ZFHX3: variants seen among roughly 807,000 people sequenced by gnomAD.
ZFHX3 encodes zinc finger homeobox protein 3.
In ZFHX3, 42 loss-of-function variants were observed where a neutral mutation model predicts 279.1. The observed-to-expected ratio is 0.15, with a 90% CI of 0.12 to 0.19. The LOEUF is 0.19. Ranked by LOEUF, ZFHX3 falls within the 10% of genes least tolerant of loss-of-function variation. The pLI, the probability that ZFHX3 is intolerant of heterozygous loss-of-function variation, is 1.00. For synonymous variants in ZFHX3, 2,293 were observed against 1,957.8 expected (o/e 1.17, Z -4.52); for missense variants, 4,981 against 4,754.0 (o/e 1.05, Z -1.40).
chr16:72,959,501 G>A lies in ZFHX3; in HGVS notation c.645C>T (p.Phe215=). ...GCCCCGCCAGGGCTGAGGTATTCGG[G>A]AAAGCCTGGTCTGGGCCCTCAAACC... The part of the protein sequence containing the change: ...GKWFEGPDQA[F]PNTSALAGLS... The change falls in exon 2 of 10, where the codon TTC becomes TTT. Residue 215 remains phenylalanine, a synonymous_variant. Coordinates refer to ENST00000268489, the MANE Select transcript of ZFHX3 (RefSeq NM_006885.4). 6.2e-7 allele frequency: 1 copy of A among 1,614,278 alleles called. No individual in the cohort carries two copies. The highest frequency in any genetic ancestry group is 2.2e-5 in the East Asian group (1 of 44,886).
intron 5 of ZFHX3, among the ~76,000 whole-genome samples, chr16:73,206,588 T>G (rs1381478916): frequency 6.6e-6 from 1 of 152,246 alleles, no homozygotes; most frequent in East Asian, 1.9e-4. Context: ...ATCTGTAGTC[T>G]TCTCCTTTAT....
At chr16:73,679,952 G>A (rs1188411545) in intron 2 of ZFHX3, 1 of 152,182 alleles carries the variant, frequency 6.6e-6, no homozygotes, top group Non-Finnish European at 1.5e-5. Flanking sequence ...GAGGATATCA[G>A]AGCTGTGATG....
chr16:73,798,752 G>C (rs553932724), intron 1 of ZFHX3, among the ~76,000 whole-genome samples: 2 of 152,242 alleles, frequency 1.3e-5, no homozygotes, highest in South Asian at 4.2e-4. Context: ...TGGGGCCAGG[G>C]GTAACCACAG....
intron 3 of ZFHX3, among the ~76,000 whole-genome samples, chr16:72,941,511 G>A (rs936012025): frequency 2.0e-5 from 3 of 152,184 alleles, no homozygotes; most frequent in Non-Finnish European, 2.9e-5. Flanking sequence ...TTTCAGGTAA[G>A]TGTAAGTATA....
intron 2 of ZFHX3, among the ~76,000 whole-genome samples, chr16:73,475,090 G>A (rs142140702): frequency 1.3e-5 from 2 of 152,092 alleles, no homozygotes; most frequent in South Asian, 2.1e-4. Flanking sequence ...CTGACTCTTC[G>A]ATCCATTTCT....
intron 3 of ZFHX3, among the ~76,000 whole-genome samples, chr16:73,444,318 G>A (rs530397685): frequency 3.9e-4 from 59 of 152,288 alleles, no homozygotes; most frequent in South Asian, 3.1e-3. Context: ...AGAATATTCC[G>A]TATAAACACT....
intron 3 of ZFHX3, among the ~76,000 whole-genome samples, chr16:73,321,796 G>A (rs12935108): frequency 6.6e-6 from 1 of 151,860 alleles, no homozygotes; most frequent in African/African-American, 2.4e-5. Context: ...CTCCCCCAAA[G>A]GGTAGGCGGG....
At chr16:73,525,066 C>A (rs1411208526) in intron 2 of ZFHX3, among the ~76,000 whole-genome samples, 1 of 152,148 alleles carries the variant, frequency 6.6e-6, no homozygotes, top group African/African-American at 2.4e-5. Context: ...TTTTCCCTGC[C>A]TATGGAAGGC....
At chr16:73,415,131 T>C (rs1000429276) in intron 3 of ZFHX3, among the ~76,000 whole-genome samples, 10 of 152,192 alleles carry the variant, frequency 6.6e-5, no homozygotes, top group Non-Finnish European at 1.2e-4. Context: ...TTTTTTATTT[T>C]ATTTTTTTAA....
intron 2 of ZFHX3, among the ~76,000 whole-genome samples, chr16:73,509,445 G>T (rs543527449): frequency 5.9e-5 from 9 of 151,536 alleles, no homozygotes; most frequent in South Asian, 2.1e-4. Context: ...GCATGATGTG[G>T]GCTCTGACTA....
At chr16:73,684,701 T>C (rs1226593385) in intron 1 of ZFHX3, among the ~76,000 whole-genome samples, 1 of 21,536 alleles carries the variant, frequency 4.6e-5, no homozygotes, top group African/African-American at 7.8e-5. Context: ...GGTCCTTTTT[T>C]TTTTTTTTTT....
intron 1 of ZFHX3, among the ~76,000 whole-genome samples, chr16:73,808,072 T>C (rs570709648): frequency 5.3e-5 from 8 of 152,210 alleles, no homozygotes; most frequent in Non-Finnish European, 1.0e-4. Flanking sequence ...ACTCTCAATA[T>C]TAAACTTTCT....
chr16:72,866,931 A>G (rs2038037536), intron 4 of ZFHX3, among the ~76,000 whole-genome samples: 1 of 152,256 alleles, frequency 6.6e-6, no homozygotes, highest in African/African-American at 2.4e-5. Context: ...GGAAATATCC[A>G]GATTCCCTAA....
At chr16:73,200,035 C>T (rs564803798) in intron 5 of ZFHX3, among the ~76,000 whole-genome samples, 1 of 151,944 alleles carries the variant, frequency 6.6e-6, no homozygotes, top group South Asian at 2.1e-4. Context: ...ATCAAGGTTC[C>T]ACATGGAAAA....
intron 5 of ZFHX3, among the ~76,000 whole-genome samples, chr16:73,205,376 G>C (rs1567417996): frequency 6.6e-6 from 1 of 152,154 alleles, no homozygotes; most frequent in Admixed American, 6.5e-5. Context: ...CGCAACACAA[G>C]ACTGATTGTA....
upstream of ZFHX3, chr16:73,060,181 T>A: frequency 7.3e-6 from 1 of 136,782 alleles, no homozygotes; most frequent in East Asian, 2.1e-4. Flanking sequence ...AGGAAAGGCC[T>A]AGGGTGTAGA....
intron 3 of ZFHX3, among the ~76,000 whole-genome samples, chr16:73,425,229 A>G (rs1323521860): frequency 6.6e-6 from 1 of 152,230 alleles, no homozygotes; most frequent in Non-Finnish European, 1.5e-5. Flanking sequence ...CTTTGTAGAC[A>G]TCTATCTCTT....
chr16:73,108,877 T>A (rs555054127), intron 7 of ZFHX3, among the ~76,000 whole-genome samples: 3 of 152,214 alleles, frequency 2.0e-5, no homozygotes, highest in Non-Finnish European at 4.4e-5. Context: ...GCAGGCCTGG[T>A]GGCGATGGGG....
upstream of ZFHX3, among the ~76,000 whole-genome samples, chr16:73,060,064 A>G (rs1448270933): frequency 1.3e-5 from 2 of 152,208 alleles, no homozygotes; most frequent in East Asian, 1.9e-4. Context: ...GATGTTTTCA[A>G]AACACAGGAA....
Sources: allele counts gnomAD v4.1 joint callset (sites outside exome capture counted in the v4.1 genomes callset), GRCh38; gene constraint gnomAD v4.1.1; transcripts MANE v1.5; gene names NCBI Gene and HGNC (gene_info 2026-07-23, HGNC 2026-07-21).